Variants in SPTBN4 observed in about 807,000 individuals in gnomAD.
The protein encoded by SPTBN4 is spectrin beta, non-erythrocytic 4, also known as spectrin beta chain, non-erythrocytic 4.
In SPTBN4, 96 loss-of-function variants were observed where a neutral mutation model predicts 277.8. The ratio of observed to expected loss-of-function variants is 0.35; its 90% CI spans 0.29 to 0.41. SPTBN4 has a LOEUF of 0.41. Among genes scored for constraint, SPTBN4 ranks in the 10% least tolerant of loss-of-function variants. The probability of loss-of-function intolerance (pLI) is 1.00; values close to 1 mark genes in which losing one functional copy is unlikely to be tolerated. For missense variants in SPTBN4, 3,006 were observed against 3,595.7 expected, an observed-to-expected ratio of 0.84 and a Z score of 4.19; for synonymous variants, 1,481 against 1,580.3, an observed-to-expected ratio of 0.94 and a Z score of 1.49.
Position 40,566,332 on chromosome 19 carries a change from G to A in SPTBN4, c.6309G>A (p.Arg2103=). The change falls in exon 30 of 36, where the codon AGG becomes AGA. Residue 2103 remains arginine (R), a synonymous_variant. Coordinates refer to ENST00000598249, the MANE Select transcript of SPTBN4 (RefSeq NM_020971.3). ...FRKAAAAWEE[R]FSSLRRLTTI... is the part of the protein sequence containing the mutation. ...AAGCGGCTGCAGCCTGGGAAGAGAG[G>A]TTCAGCTCTCTGCGGCGCCTGACCA... 1 of 1,585,376 alleles carries A rather than the reference G, an allele frequency of 6.3e-7. No homozygotes were observed. Among genetic ancestry groups the A allele is most frequent in the Non-Finnish European group, 8.6e-7 (1 of 1,166,062 alleles).
chr19:40,565,955 G>C (rs2145951159), intron 29 of SPTBN4, among the ~76,000 whole-genome samples: 1 of 152,262 alleles, frequency 6.6e-6, no homozygotes, highest in African/African-American at 2.4e-5. Flanking sequence ...CCTGGGTGGG[G>C]GGACATTAAG....
chr19:40,469,736 TG>T (rs2079864355), intron 1 of SPTBN4, among the ~76,000 whole-genome samples: 1 of 145,036 alleles, frequency 6.9e-6, no homozygotes, highest in African/African-American at 2.6e-5. Flanking sequence ...CTCCGCCTCC[TG>T]GGTTCAAGCA....
At chr19:40,488,170 T>C (rs2080094318) in intron 3 of SPTBN4, among the ~76,000 whole-genome samples, 1 of 151,732 alleles carries the variant, frequency 6.6e-6, no homozygotes. Context: ...GGGAGGAGCT[T>C]TGTTAGAAGG....
intron 5 of SPTBN4, among the ~76,000 whole-genome samples, chr19:40,493,589 G>A (rs2080162318): frequency 6.6e-6 from 1 of 152,000 alleles, no homozygotes. Flanking sequence ...GGTGGCAGAC[G>A]TCTGTAGTCG....
chr19:40,553,074 A>G (rs1460577246), intron 22 of SPTBN4, among the ~76,000 whole-genome samples: 3 of 152,062 alleles, frequency 2.0e-5, no homozygotes, highest in Admixed American at 6.6e-5. Flanking sequence ...TAAAATGGAG[A>G]TGGTAATGTT....
chr19:40,476,078 C>G, intron 2 of SPTBN4, among the ~76,000 whole-genome samples: 1 of 151,300 alleles, frequency 6.6e-6, no homozygotes, highest in East Asian at 2.0e-4. Context: ...GGCGCGGTAG[C>G]TCACGCCTAT....
intron 19 of SPTBN4, 61 bp downstream of exon 19, chr19:40,532,832 G>A (rs998795185): frequency 9.1e-6 from 14 of 1,532,724 alleles, no homozygotes; most frequent in East Asian, 2.4e-5. Flanking sequence ...GGGAGCCCAC[G>A]TCTCACCTGC....
At chr19:40,536,137 C>G (rs1008996133) in intron 20 of SPTBN4, among the ~76,000 whole-genome samples, 9 of 151,930 alleles carry the variant, frequency 5.9e-5, no homozygotes, top group Non-Finnish European at 1.0e-4. Flanking sequence ...AATGTGATGG[C>G]CAATGGGGTC....
intron 16 of SPTBN4, among the ~76,000 whole-genome samples, chr19:40,521,030 T>C (rs967968897): frequency 2.0e-5 from 3 of 152,120 alleles, no homozygotes; most frequent in Non-Finnish European, 4.4e-5. Context: ...GTTCAAACGA[T>C]TCTCCTGCCT....
intron 20 of SPTBN4, among the ~76,000 whole-genome samples, chr19:40,547,449 T>C (rs919736743): frequency 3.9e-5 from 6 of 152,338 alleles, no homozygotes; most frequent in Non-Finnish European, 5.9e-5. Flanking sequence ...TTTGGGTTGG[T>C]TGCAAGTCTT....
intron 31 of SPTBN4, 116 bp from the exon 32 acceptor site, chr19:40,569,540 AG>A (rs1207675847): frequency 3.1e-6 from 3 of 972,184 alleles, no homozygotes; most frequent in Non-Finnish European, 4.6e-6. Flanking sequence ...CAGCTGCAGA[AG>A]TGGGCAGGGG....
rs1238417749 is a variant in SPTBN4, at chr19:40,491,000, C to G, written c.495+752C>G. ...GAGGCTGCCGTGAGCTATGATCATG[C>G]CACTGCACTCCAGCCTAGACAACAG... On this transcript the variant is annotated intron_variant, in intron 4 of 35. Coordinates refer to ENST00000598249, the MANE Select transcript of SPTBN4 (RefSeq NM_020971.3). The surrounding 1 kb of genome is among the most constrained non-coding windows in gnomAD (Gnocchi z 4.3). Among the ~76,000 whole-genome samples, 4 of 151,960 alleles carry G rather than the reference C, an allele frequency of 2.6e-5. No individual in the cohort carries two copies. In the East Asian group the frequency reaches 5.8e-4, roughly 22 times the overall value.
chr19:40,564,803 C>A (rs572447810), intron 27 of SPTBN4, among the ~76,000 whole-genome samples: 8 of 150,174 alleles, frequency 5.3e-5, no homozygotes, highest in African/African-American at 2.0e-4. Context: ...TGCCACTGCA[C>A]TCCAGTCTGG....
rs750013233 is a variant in SPTBN4, at chr19:40,572,204, A to G, written c.7493+12A>G. On this transcript the variant is annotated intron_variant, in intron 34 of 35. Coordinates refer to ENST00000598249, the MANE Select transcript of SPTBN4 (RefSeq NM_020971.3). ...GTCTTCAAGCTCCAGTGAGCCCCCC[A>G]ATGGGCAGGAGGGAGGGATCCAAGG... The G allele has an allele frequency of 1.7e-5, 27 of 1,593,910 alleles. No homozygotes were observed. The South Asian group carries it at 3.0e-4, about 18-fold the overall frequency.
In SPTBN4 at chr19:40,566,249, C is replaced by T; in HGVS notation, c.6226C>T (p.Leu2076=). The change falls in exon 30 of 36, where the codon CTG becomes TTG. Residue 2076 remains leucine (L), a synonymous_variant. Transcript: ENST00000598249. ...GGAGCCGCTCCTGCAGAGCCGGGAG[C>T]TGGGCAGCAGCGTGGATGAGGTGGA... ...AQEPLLQSRE[L]GSSVDEVEQL... 3 of 1,568,456 alleles carry T rather than the reference C, an allele frequency of 1.9e-6. No individual in the cohort carries two copies. Among genetic ancestry groups the T allele is most frequent in the Non-Finnish European group, 2.6e-6 (3 of 1,156,508 alleles).
Position 40,504,143 on chromosome 19 carries a change from GGGGGC to G in SPTBN4, c.1665+16_1665+20del. ...ATGGAGGAGATGCAGGTGCCGGCGGGGGGGCGGGGATGCGGGTGGAGTGCCAGGAG... is the reference window on the plus strand; with the variant it reads ...ATGGAGGAGATGCAGGTGCCGGCGGGGGGGATGCGGGTGGAGTGCCAGGAG... On this transcript the variant is annotated intron_variant, in intron 12 of 35. Coordinates refer to ENST00000598249, the MANE Select transcript of SPTBN4 (RefSeq NM_020971.3). 1.0e-5 allele frequency: 13 copies of G among 1,268,478 alleles called. 1 individual carries two copies. Among genetic ancestry groups the G allele is most frequent in the Non-Finnish European group, 1.3e-5 (12 of 898,122 alleles). 78.6% of individuals were successfully genotyped at this position (1,268,478 alleles called of 1,614,324 possible). A position where few individuals can be genotyped will look rare whatever the true frequency, so the allele number is the denominator to read the frequency against.
intron 7 of SPTBN4, among the ~76,000 whole-genome samples, chr19:40,500,236 T>C (rs545586171): frequency 5.1e-4 from 77 of 152,234 alleles, no homozygotes; most frequent in African/African-American, 1.8e-3. Context: ...TAGAATTTGT[T>C]GAGTTTCCCC....
intron 31 of SPTBN4, 136 bp downstream of exon 31, chr19:40,568,418 G>C (rs2081119029): frequency 7.9e-7 from 1 of 1,268,798 alleles, no homozygotes; most frequent in South Asian, 1.6e-5. Flanking sequence ...TACCCATTTT[G>C]CAGAGGTGTA....
chr19:40,494,828 G>C lies in SPTBN4; in HGVS notation c.588-69G>C. ...CTTCCCTATCATTCGGTCTCCCTCTGTCTTTTTCCCCTTTCTTCCCTCCTA... is the reference window on the plus strand; with the variant it reads ...CTTCCCTATCATTCGGTCTCCCTCTCTCTTTTTCCCCTTTCTTCCCTCCTA... On this transcript the variant is annotated intron_variant, in intron 5 of 35. Transcript: ENST00000598249. 2.1e-6 allele frequency: 3 copies of C among 1,406,540 alleles called. No homozygotes were observed. The South Asian group carries it at 3.6e-5, about 17-fold the overall frequency. 87.1% of individuals were successfully genotyped at this position (1,406,540 alleles called of 1,614,324 possible).
Sources: allele counts gnomAD v4.1 joint callset (sites outside exome capture counted in the v4.1 genomes callset), GRCh38; gene constraint gnomAD v4.1.1; non-coding constraint Gnocchi (gnomAD v3.1); transcripts MANE v1.5; gene names NCBI Gene and HGNC (gene_info 2026-07-23, HGNC 2026-07-21).